The following RHBDD1 variants were observed in gnomAD, a reference collection of about 807,000 sequenced individuals.
RHBDD1 encodes the protein rhomboid domain containing 1.
RHBDD1 carries 38 observed loss-of-function variants against 36.3 expected under a neutral mutation model. That is an observed-to-expected ratio of 1.05 (90% CI 0.81 to 1.37). The LOEUF is 1.37. RHBDD1 is among the 40% of genes most tolerant of loss of function. RHBDD1 has a pLI of 0.00. For synonymous variants in RHBDD1, 151 were observed against 136.5 expected, an observed-to-expected ratio of 1.11 and a Z score of -0.74; for missense variants, 393 against 377.6, an observed-to-expected ratio of 1.04 and a Z score of -0.34.
chr2:226,866,523 G>A (rs1944360553), intron 4 of RHBDD1, among the ~76,000 whole-genome samples: 1 of 152,182 alleles, frequency 6.6e-6, no homozygotes, highest in African/African-American at 2.4e-5. Flanking sequence ...ATGGAGCTGG[G>A]ACTTGAGCCC....
chr2:226,837,833 C>G (rs1199001492), intron 1 of RHBDD1: 2 of 152,188 alleles, frequency 1.3e-5, no homozygotes, highest in African/African-American at 4.8e-5. Flanking sequence ...TTGGTAAAGA[C>G]CAGAGGTAAG....
At chr2:226,815,443 T>A in the RHBDD1 span, among the ~76,000 whole-genome samples, 1 of 152,230 alleles carries the variant, frequency 6.6e-6, no homozygotes, top group Non-Finnish European at 1.5e-5. Flanking sequence ...AAAATAAAGA[T>A]TAGCATGTAA....
chr2:226,949,320 C>T (rs1951252071), intron 8 of RHBDD1, among the ~76,000 whole-genome samples: 1 of 152,150 alleles, frequency 6.6e-6, no homozygotes, highest in Non-Finnish European at 1.5e-5. Flanking sequence ...CAAGACAATC[C>T]TAAGCAAAAA....
the RHBDD1 span, among the ~76,000 whole-genome samples, chr2:226,812,091 T>C: frequency 6.6e-6 from 1 of 152,242 alleles, no homozygotes; most frequent in African/African-American, 2.4e-5. Context: ...CTAGTTTCAT[T>C]TGAGTTTTGT....
rs1007909278 is a variant in RHBDD1, at chr2:226,883,624, C to T, written c.566+16306C>T. Among the ~76,000 whole-genome samples the T allele has an allele frequency of 2.6e-5, 4 of 152,292 alleles. No homozygotes were observed. The East Asian group carries it at 7.7e-4, about 29-fold the overall frequency. On this transcript the variant is annotated intron_variant, in intron 5 of 8. Coordinates refer to ENST00000392062, the MANE Select transcript of RHBDD1 (RefSeq NM_001167608.3). ...AATTGTGGGTGTGTGGATGATAACACCTACCTAATCTGTACTTAACTAACT... is the reference window on the plus strand; with the variant it reads ...AATTGTGGGTGTGTGGATGATAACATCTACCTAATCTGTACTTAACTAACT...
At chr2:226,935,092 C>T (rs2149121228) in intron 8 of RHBDD1, 2 of 152,186 alleles carry the variant, frequency 1.3e-5, no homozygotes, top group Non-Finnish European at 2.9e-5. Context: ...TTGTCACCCC[C>T]AGCTCTGCAC....
At chr2:226,995,301 T>C (rs1473342147) in intron 8 of RHBDD1, 130 bp from the exon 9 acceptor site, 5 of 659,606 alleles carry the variant, frequency 7.6e-6, no homozygotes, top group East Asian at 5.6e-5. Flanking sequence ...GAAAAATCTT[T>C]GTTATATTTC....
Position 226,989,905 on chromosome 2 carries a change from T to C in RHBDD1, c.857-5526T>C, listed in dbSNP as rs536002955. Among the ~76,000 whole-genome samples, 3 of 152,310 alleles carry C rather than the reference T, an allele frequency of 2.0e-5. No individual in the cohort carries two copies. In the East Asian group the frequency reaches 5.8e-4, roughly 29 times the overall value. On this transcript the variant is annotated intron_variant, in intron 8 of 8. Transcript: ENST00000392062. ...GAGATCTCCATTTCAAGGCTTCTTG[T>C]TTTGAGATTCCAGATATTATTTCAG...
intron 8 of RHBDD1, among the ~76,000 whole-genome samples, chr2:226,917,821 A>C (rs1421030908): frequency 1.3e-5 from 2 of 152,064 alleles, no homozygotes; most frequent in Non-Finnish European, 2.9e-5. Context: ...TCTTAAACAG[A>C]GTGGCCTTGG....
At chr2:226,950,034 G>A (rs1010151026) in intron 8 of RHBDD1, among the ~76,000 whole-genome samples, 7 of 152,090 alleles carry the variant, frequency 4.6e-5, no homozygotes, top group African/African-American at 1.7e-4. Flanking sequence ...ATTAACATAA[G>A]TTACCTTACA....
intron 8 of RHBDD1, among the ~76,000 whole-genome samples, chr2:226,969,754 A>AT (rs1333740670): frequency 6.6e-6 from 1 of 152,178 alleles, no homozygotes; most frequent in Non-Finnish European, 1.5e-5. Flanking sequence ...TTAAAAAGTT[A>AT]TTTTTTAAAT....
At chr2:226,840,701 A>G (rs990005324) in intron 3 of RHBDD1, among the ~76,000 whole-genome samples, 2 of 152,200 alleles carry the variant, frequency 1.3e-5, no homozygotes, top group African/African-American at 2.4e-5. Context: ...CATTACACCA[A>G]CAGCTGTTTC....
At chr2:226,963,357 C>G (rs1952368181) in intron 8 of RHBDD1, among the ~76,000 whole-genome samples, 1 of 152,172 alleles carries the variant, frequency 6.6e-6, no homozygotes, top group South Asian at 2.1e-4. Context: ...GCATTAAGCT[C>G]CCTCTGGTCC....
At chr2:226,994,382 G>A (rs1958938741) in intron 8 of RHBDD1, among the ~76,000 whole-genome samples, 1 of 152,150 alleles carries the variant, frequency 6.6e-6, no homozygotes, top group Non-Finnish European at 1.5e-5. Flanking sequence ...ATTGAATGAA[G>A]ACAAACAAAC....
At chr2:226,976,789 G>T (rs1954670157) in intron 8 of RHBDD1, among the ~76,000 whole-genome samples, 1 of 152,174 alleles carries the variant, frequency 6.6e-6, no homozygotes, top group Non-Finnish European at 1.5e-5. Flanking sequence ...CTGGAGTGAG[G>T]CCTCTTGGCC....
the RHBDD1 span, among the ~76,000 whole-genome samples, chr2:226,806,072 A>C: frequency 6.6e-6 from 1 of 151,548 alleles, no homozygotes; most frequent in African/African-American, 2.4e-5. Context: ...GTTAACGAAC[A>C]TCTCTCTCTC....
intron 5 of RHBDD1, among the ~76,000 whole-genome samples, chr2:226,885,957 G>GT (rs1386922839): frequency 1.3e-5 from 2 of 152,158 alleles, no homozygotes; most frequent in Non-Finnish European, 2.9e-5. Flanking sequence ...CAAAGGGATG[G>GT]TTTGTGTCCC....
the RHBDD1 span, among the ~76,000 whole-genome samples, chr2:226,815,862 TTC>T: frequency 6.6e-6 from 1 of 152,230 alleles, no homozygotes; most frequent in Non-Finnish European, 1.5e-5. Flanking sequence ...AGGTTAAATT[TTC>T]TCTCTCTATT....
intron 5 of RHBDD1, among the ~76,000 whole-genome samples, chr2:226,890,234 G>A (rs1156789052): frequency 1.3e-5 from 2 of 152,202 alleles, no homozygotes; most frequent in East Asian, 1.9e-4. Context: ...CTTAAAAATA[G>A]TGTGTCTGTT....
Sources: gnomAD v4.1 joint callset for allele counts (sites outside exome capture counted in the v4.1 genomes callset) on GRCh38, gnomAD v4.1.1 for gene constraint, MANE v1.5 for transcripts, NCBI Gene and HGNC (gene_info 2026-07-23, HGNC 2026-07-21) for gene names.